Variants in ANKS1B observed in about 807,000 individuals in gnomAD.
The protein encoded by ANKS1B is ankyrin repeat and sterile alpha motif domain-containing protein 1B.
Under a neutral mutation model 148.3 loss-of-function variants are expected in ANKS1B, and 36 were observed. That is an observed-to-expected ratio of 0.24 (90% confidence interval 0.19 to 0.32). The LOEUF (loss-of-function observed/expected upper bound fraction) is 0.32. Ranked by LOEUF, ANKS1B falls within the 10% of genes least tolerant of loss-of-function variation. ANKS1B has a pLI of 1.00. For synonymous variants in ANKS1B, 542 were observed against 560.8 expected (o/e 0.97, Z 0.47); for missense variants, 1,157 against 1,542.6 (o/e 0.75, Z 4.19).
At chr12:98,972,648 T>A (rs1261247683) in intron 17 of ANKS1B, among the ~76,000 whole-genome samples, 5 of 152,204 alleles carry the variant, frequency 3.3e-5, no homozygotes, top group Admixed American at 6.5e-5. Context: ...ATGATATTTT[T>A]AAAGTGGCAT....
intron 10 of ANKS1B, among the ~76,000 whole-genome samples, chr12:99,474,220 A>G (rs956178635): frequency 1.3e-5 from 2 of 152,150 alleles, no homozygotes; most frequent in African/African-American, 2.4e-5. Flanking sequence ...ATGAAAGTAC[A>G]AAGTTGGGTA....
At chr12:98,998,456 T>C (rs187279115) in intron 17 of ANKS1B, among the ~76,000 whole-genome samples, 26 of 152,340 alleles carry the variant, frequency 1.7e-4, no homozygotes, top group Admixed American at 1.6e-3. Flanking sequence ...GAGCATTTTA[T>C]AAATGAGAAC....
At chr12:98,890,180 G>C (rs1449466506) in intron 17 of ANKS1B, among the ~76,000 whole-genome samples, 1 of 152,164 alleles carries the variant, frequency 6.6e-6, no homozygotes, top group Non-Finnish European at 1.5e-5. Flanking sequence ...TGAAATTTAA[G>C]AGACTATATA....
chr12:98,825,620 G>A (rs1036758021), intron 19 of ANKS1B, among the ~76,000 whole-genome samples: 1 of 152,094 alleles, frequency 6.6e-6, no homozygotes, highest in Admixed American at 6.6e-5. Context: ...GTAAATGGAA[G>A]CCTTCTATAA....
At chr12:99,648,631 T>C in intron 9 of ANKS1B, 1 of 1,614,242 alleles carries the variant, frequency 6.2e-7, no homozygotes, top group East Asian at 2.2e-5. Context: ...TCTTCAGCTG[T>C]GTCCTCCATC....
At chr12:99,743,285 G>A (rs902189064) in intron 8 of ANKS1B, among the ~76,000 whole-genome samples, 2 of 152,106 alleles carry the variant, frequency 1.3e-5, no homozygotes, top group African/African-American at 2.4e-5. Context: ...TAAAGAAAAA[G>A]ACCTTTCAGT....
chr12:98,861,985 T>C (rs79944266), intron 17 of ANKS1B, among the ~76,000 whole-genome samples: 4 of 152,146 alleles, frequency 2.6e-5, no homozygotes, highest in Admixed American at 6.5e-5. Flanking sequence ...TGTTTCCATA[T>C]GTTTAAAATG....
At chr12:99,139,455 T>C (rs1412412006) in intron 15 of ANKS1B, among the ~76,000 whole-genome samples, 3 of 92,470 alleles carry the variant, frequency 3.2e-5, no homozygotes, top group Non-Finnish European at 6.0e-5. Context: ...TTTCTTTCTT[T>C]CTTTCAAGAT....
intron 9 of ANKS1B, among the ~76,000 whole-genome samples, chr12:99,651,357 A>C (rs2098417985): frequency 1.3e-5 from 2 of 152,208 alleles, no homozygotes; most frequent in Non-Finnish European, 2.9e-5. Flanking sequence ...AAATGAAAAA[A>C]TTTAAAAATA....
At chr12:99,469,191 C>CA (rs1368590131) in intron 10 of ANKS1B, among the ~76,000 whole-genome samples, 1 of 148,892 alleles carries the variant, frequency 6.7e-6, no homozygotes, top group Non-Finnish European at 1.5e-5. Flanking sequence ...ATCGCAAGGA[C>CA]AAAAAACCAA....
intron 12 of ANKS1B, among the ~76,000 whole-genome samples, chr12:99,297,211 T>C (rs1220375290): frequency 6.6e-6 from 1 of 152,172 alleles, no homozygotes; most frequent in African/African-American, 2.4e-5. Flanking sequence ...TAAAAATAAA[T>C]ACTAGTCATA....
intron 5 of ANKS1B, among the ~76,000 whole-genome samples, chr12:99,781,379 G>A (rs1299275361): frequency 6.6e-6 from 1 of 152,056 alleles, no homozygotes; most frequent in East Asian, 1.9e-4. Flanking sequence ...TTGTTTACAA[G>A]CATGAATTTG....
chr12:99,167,856 T>C (rs1311238176), intron 14 of ANKS1B, among the ~76,000 whole-genome samples: 1 of 152,204 alleles, frequency 6.6e-6, no homozygotes, highest in Non-Finnish European at 1.5e-5. Context: ...CAACTGAATA[T>C]TACTCAGCAA....
chr12:99,911,215 T>C (rs2093995712), intron 1 of ANKS1B, among the ~76,000 whole-genome samples: 1 of 152,164 alleles, frequency 6.6e-6, no homozygotes, highest in Non-Finnish European at 1.5e-5. Context: ...GTAAGGGCAA[T>C]TGAGTCTCAG....
chr12:99,645,858 G>A (rs2098357097), intron 9 of ANKS1B, among the ~76,000 whole-genome samples: 1 of 152,124 alleles, frequency 6.6e-6, no homozygotes, highest in Non-Finnish European at 1.5e-5. Flanking sequence ...AAATGAAAGA[G>A]GTTCCACCGT....
chr12:99,052,729 C>T (rs1229808656), intron 17 of ANKS1B, among the ~76,000 whole-genome samples: 10 of 14,514 alleles, frequency 6.9e-4, no homozygotes, highest in African/African-American at 2.8e-3. Context: ...AGCGAGACTC[C>T]GTCTCAAAAA....
At chr12:99,441,469 G>T (rs1594854407) in intron 11 of ANKS1B, among the ~76,000 whole-genome samples, 1 of 151,988 alleles carries the variant, frequency 6.6e-6, no homozygotes, top group East Asian at 1.9e-4. Flanking sequence ...CCCCCTGAAG[G>T]TCATAACTCA....
chr12:99,589,725 A>G (rs1284878885), intron 9 of ANKS1B, among the ~76,000 whole-genome samples: 3 of 152,352 alleles, frequency 2.0e-5, no homozygotes, highest in East Asian at 3.9e-4. Flanking sequence ...AGAAGAGGAA[A>G]CTAATGGAAA....
chr12:99,746,228 G>T (rs553463361), intron 8 of ANKS1B, among the ~76,000 whole-genome samples: 1 of 152,150 alleles, frequency 6.6e-6, no homozygotes, highest in Non-Finnish European at 1.5e-5. Flanking sequence ...CACACTGTTA[G>T]GTGGCTTCAT....
Sources: gnomAD v4.1 joint callset for allele counts (sites outside exome capture counted in the v4.1 genomes callset) on GRCh38, gnomAD v4.1.1 for gene constraint, MANE v1.5 for transcripts, NCBI Gene and HGNC (gene_info 2026-07-23, HGNC 2026-07-21) for gene names.